ERI1: variants seen among roughly 807,000 people sequenced by gnomAD.
ERI1 encodes the protein 3'-5' exoribonuclease 1.
In ERI1, 39 loss-of-function variants were observed where a neutral mutation model predicts 39.7. The ratio of observed to expected loss-of-function variants is 0.98; its 90% CI spans 0.76 to 1.28. ERI1 has a LOEUF of 1.28. Among genes scored for constraint, ERI1 ranks in the 50% most tolerant of loss-of-function variants. The pLI is 0.00. For missense variants in ERI1, 581 were observed against 416.9 expected, an observed-to-expected ratio of 1.39 and a Z score of -3.43; for synonymous variants, 204 against 149.6, an observed-to-expected ratio of 1.36 and a Z score of -2.65.
In ERI1 at chr8:9,039,649, A is replaced by G. The variant is rs118181590; in HGVS notation, n.299+19185A>G. Among the ~76,000 whole-genome samples the G allele has an allele frequency of 2.7e-3, 408 of 152,322 alleles. 11 individuals are homozygous for G. In the East Asian group the frequency reaches 0.049, roughly 18 times the overall value. On this transcript the variant is annotated intron_variant and non_coding_transcript_variant, in intron 3 of 3. Coordinates refer to the ERI1 transcript ENST00000518663. ...TATAGGTGTGTACGTATATTGAACT[A>G]AGGTATTTGGCTTTTGGCAGAATTA...
chr8:9,094,407 T>C (rs1181181299), intron 3 of ERI1, among the ~76,000 whole-genome samples: 1 of 152,162 alleles, frequency 6.6e-6, no homozygotes, highest in East Asian at 1.9e-4. Flanking sequence ...TCTCTGCAAT[T>C]GCTGCAAGGG....
At chr8:9,072,839 G>C (rs1297108495) in intron 3 of ERI1, among the ~76,000 whole-genome samples, 1 of 151,784 alleles carries the variant, frequency 6.6e-6, no homozygotes, top group Non-Finnish European at 1.5e-5. Flanking sequence ...GGTCAGCACC[G>C]AGTGTGCTCG....
downstream of ERI1, among the ~76,000 whole-genome samples, chr8:9,036,974 G>A (rs1797866482): frequency 1.3e-5 from 2 of 152,122 alleles, no homozygotes; most frequent in Admixed American, 1.3e-4. Context: ...TTAGCACAAT[G>A]TCCTTTATTG....
chr8:9,005,617 C>G (rs564079074), intron 1 of ERI1, among the ~76,000 whole-genome samples: 16 of 151,634 alleles, frequency 1.1e-4, no homozygotes, highest in African/African-American at 3.9e-4. Flanking sequence ...CGGGTTCACG[C>G]CATTCTCCTG....
At chr8:9,040,404 C>T (rs1797978940) in intron 3 of ERI1, among the ~76,000 whole-genome samples, 1 of 152,170 alleles carries the variant, frequency 6.6e-6, no homozygotes, top group Admixed American at 6.5e-5. Flanking sequence ...CTGCTTTGTT[C>T]TCTGTGTTCG....
chr8:9,043,862 A>T (rs1209055968), intron 3 of ERI1, among the ~76,000 whole-genome samples: 2 of 152,244 alleles, frequency 1.3e-5, no homozygotes, highest in African/African-American at 4.8e-5. Flanking sequence ...TTCAACAAAG[A>T]AATATTTACT....
chr8:9,066,784 A>G (rs1798894071), intron 3 of ERI1, among the ~76,000 whole-genome samples: 1 of 152,094 alleles, frequency 6.6e-6, no homozygotes. Flanking sequence ...GGGTGAGTTG[A>G]GAGGGAAACA....
chr8:9,013,016 T>A (rs1816831519), intron 3 of ERI1, among the ~76,000 whole-genome samples: 1 of 133,464 alleles, frequency 7.5e-6, no homozygotes, highest in Non-Finnish European at 1.6e-5. Flanking sequence ...AATTGACCAT[T>A]CTCACTTTTT....
intron 3 of ERI1, among the ~76,000 whole-genome samples, chr8:9,067,734 T>A (rs1428135631): frequency 3.3e-5 from 5 of 151,624 alleles, no homozygotes; most frequent in Admixed American, 6.6e-5. Flanking sequence ...TTTCCTCAAG[T>A]TTTAAAGAAG....
At chr8:9,005,107 T>A (rs562725752) in intron 1 of ERI1, among the ~76,000 whole-genome samples, 1 of 152,338 alleles carries the variant, frequency 6.6e-6, no homozygotes, top group East Asian at 1.9e-4. Flanking sequence ...ATATTTATAT[T>A]TTTAATAAGT....
chr8:9,054,706 C>T (rs542697611), intron 3 of ERI1, among the ~76,000 whole-genome samples: 1 of 152,232 alleles, frequency 6.6e-6, no homozygotes, highest in East Asian at 1.9e-4. Context: ...GGGCAGATCA[C>T]TTGAGGCCAA....
intron 1 of ERI1, among the ~76,000 whole-genome samples, chr8:9,006,034 A>G (rs908447158): frequency 3.3e-5 from 5 of 152,232 alleles, no homozygotes; most frequent in African/African-American, 1.2e-4. Context: ...TATATGTGAC[A>G]TGTGATAGGT....
intron 1 of ERI1, among the ~76,000 whole-genome samples, chr8:9,004,532 G>T (rs1815758867): frequency 8.3e-6 from 1 of 120,234 alleles, no homozygotes; most frequent in Non-Finnish European, 1.6e-5. Flanking sequence ...GGTCGTAGTT[G>T]CCCTCTCCCG....
At chr8:9,065,457 A>G (rs934509070) in intron 3 of ERI1, among the ~76,000 whole-genome samples, 2 of 152,110 alleles carry the variant, frequency 1.3e-5, no homozygotes, top group African/African-American at 4.8e-5. Context: ...GCACTTTGGG[A>G]GGCTGAGGCA....
chr8:9,082,031 T>TC (rs1293192129), intron 3 of ERI1, among the ~76,000 whole-genome samples: 1 of 152,064 alleles, frequency 6.6e-6, no homozygotes, highest in Non-Finnish European at 1.5e-5. Context: ...AGTCACTGTG[T>TC]CCCCCCACCC....
chr8:9,079,232 G>T (rs1422189571), intron 3 of ERI1, among the ~76,000 whole-genome samples: 4 of 152,150 alleles, frequency 2.6e-5, no homozygotes, highest in Admixed American at 2.0e-4. Context: ...TGGAACAATG[G>T]GGAGGAATAG....
intron 3 of ERI1, among the ~76,000 whole-genome samples, chr8:9,066,996 C>T (rs748215885): frequency 4.9e-4 from 75 of 152,144 alleles, no homozygotes; most frequent in Non-Finnish European, 9.3e-4. Context: ...GAAGATTTGA[C>T]GGCTGCCTAT....
intron 3 of ERI1, among the ~76,000 whole-genome samples, chr8:9,048,200 C>A (rs77658493): frequency 6.6e-6 from 1 of 152,216 alleles, no homozygotes; most frequent in Non-Finnish European, 1.5e-5. Context: ...CTGCGACCAG[C>A]GCAGACGCTG....
At chr8:9,066,304 G>A (rs985646525) in intron 3 of ERI1, among the ~76,000 whole-genome samples, 12 of 152,182 alleles carry the variant, frequency 7.9e-5, no homozygotes, top group African/African-American at 2.9e-4. Flanking sequence ...CCTTTAAGTG[G>A]TTGGTGGTCA....
Sources: gnomAD v4.1 joint callset for allele counts (sites outside exome capture counted in the v4.1 genomes callset) on GRCh38, gnomAD v4.1.1 for gene constraint, MANE v1.5 for transcripts, NCBI Gene and HGNC (gene_info 2026-07-23, HGNC 2026-07-21) for gene names.